PTPRD: variants seen among roughly 807,000 people sequenced by gnomAD.
PTPRD encodes receptor-type tyrosine-protein phosphatase delta.
A neutral mutation model predicts 214.5 loss-of-function variants in PTPRD; 34 were observed. The observed-to-expected ratio is 0.16, with a 90% CI of 0.12 to 0.21. The LOEUF (loss-of-function observed/expected upper bound fraction) is 0.21, where lower values mean the gene tolerates loss of function less well. Ranked by LOEUF, PTPRD falls within the 10% of genes least tolerant of loss-of-function variation. The pLI, the probability that PTPRD is intolerant of heterozygous loss-of-function variation, is 1.00. For missense variants in PTPRD, 2,545 were observed against 2,398.7 expected, an observed-to-expected ratio of 1.06 and a Z score of -1.27; for synonymous variants, 1,128 against 845.7, an observed-to-expected ratio of 1.33 and a Z score of -5.79.
At chr9:9,623,678 C>A (rs879775628) in intron 7 of PTPRD, among the ~76,000 whole-genome samples, 2 of 152,214 alleles carry the variant, frequency 1.3e-5, no homozygotes, top group Non-Finnish European at 2.9e-5. Context: ...CTGCTGCCAT[C>A]TGGATGCTTG....
intron 5 of PTPRD, among the ~76,000 whole-genome samples, chr9:9,815,199 C>T (rs1055167610): frequency 6.6e-6 from 1 of 152,046 alleles, no homozygotes; most frequent in Non-Finnish European, 1.5e-5. Flanking sequence ...CATACTCATG[C>T]GTACATACAT....
intron 30 of PTPRD, among the ~76,000 whole-genome samples, chr9:8,482,041 A>C: frequency 6.6e-6 from 1 of 151,954 alleles, no homozygotes; most frequent in Non-Finnish European, 1.5e-5. Context: ...TCGGCCTCCC[A>C]AAGTGCTGGG....
chr9:9,874,393 G>C (rs1290974298), intron 5 of PTPRD, among the ~76,000 whole-genome samples: 1 of 152,064 alleles, frequency 6.6e-6, no homozygotes, highest in Non-Finnish European at 1.5e-5. Flanking sequence ...TGTTATACAG[G>C]ATATCAATAT....
At chr9:8,631,687 C>A (rs7047804) in intron 14 of PTPRD, among the ~76,000 whole-genome samples, 1 of 151,722 alleles carries the variant, frequency 6.6e-6, no homozygotes, top group Non-Finnish European at 1.5e-5. Context: ...ATTTTATATA[C>A]GTATGTATCT....
chr9:10,223,203 A>G (rs1223945533), intron 3 of PTPRD, among the ~76,000 whole-genome samples: 1 of 147,566 alleles, frequency 6.8e-6, no homozygotes, highest in Non-Finnish European at 1.5e-5. Flanking sequence ...CCCTTCTCTT[A>G]CCCTCTCCCC....
chr9:9,330,318 C>G (rs1352653148), intron 9 of PTPRD, among the ~76,000 whole-genome samples: 1 of 152,064 alleles, frequency 6.6e-6, no homozygotes, highest in Admixed American at 6.6e-5. Flanking sequence ...ATTTTAAGAA[C>G]CTCTGATTGA....
At chr9:9,553,380 A>G (rs1344032363) in intron 8 of PTPRD, among the ~76,000 whole-genome samples, 1 of 152,090 alleles carries the variant, frequency 6.6e-6, no homozygotes, top group Non-Finnish European at 1.5e-5. Context: ...CATTGTACAA[A>G]CCTAATCACT....
At chr9:8,603,269 T>C (rs1264540513) in intron 14 of PTPRD, among the ~76,000 whole-genome samples, 1 of 152,200 alleles carries the variant, frequency 6.6e-6, no homozygotes, top group Non-Finnish European at 1.5e-5. Context: ...ACAAGGCAAT[T>C]ATTAGATTAA....
chr9:10,572,348 G>A (rs1477032615), intron 2 of PTPRD, among the ~76,000 whole-genome samples: 1 of 152,174 alleles, frequency 6.6e-6, no homozygotes, highest in Non-Finnish European at 1.5e-5. Flanking sequence ...TGTCATTCCT[G>A]GAGGAAACAA....
chr9:8,329,068 C>T (rs201195133), intron 44 of PTPRD, among the ~76,000 whole-genome samples: 1 of 152,052 alleles, frequency 6.6e-6, no homozygotes, highest in Non-Finnish European at 1.5e-5. Flanking sequence ...GTTTTGTTCC[C>T]TTGCTGGCGA....
intron 11 of PTPRD, among the ~76,000 whole-genome samples, chr9:8,943,570 ATTTAT>A (rs1490553927): frequency 2.0e-5 from 3 of 146,378 alleles, no homozygotes; most frequent in African/African-American, 2.4e-5. Context: ...TAATAATTTT[ATTTAT>A]TTTATTTATT....
chr9:9,604,740 CAAAGTCAAACA>C lies in PTPRD; in HGVS notation c.-286-29970_-286-29960del, dbSNP rs1310478049. Among the ~76,000 whole-genome samples the C allele has an allele frequency of 4.0e-5, 6 of 151,846 alleles. No homozygotes were observed. The East Asian group carries it at 1.2e-3, about 29-fold the overall frequency. On this transcript the variant is annotated intron_variant, in intron 7 of 45. Transcript: ENST00000381196. ...CAAATTTAAAAGGGTATTTGTTTGA[CAAAGTCAAACA>C]TCATCCATTTCTATGGCTAAAAGTT...
Position 8,559,580 on chromosome 9 carries a change from C to G in PTPRD, c.353-30801G>C, listed in dbSNP as rs181370218. Among the ~76,000 whole-genome samples the G allele has an allele frequency of 5.3e-5, 8 of 152,290 alleles. No individual in the cohort carries two copies. In the East Asian group the frequency reaches 1.5e-3, roughly 29 times the overall value. On this transcript the variant is annotated intron_variant, in intron 14 of 45. Coordinates refer to ENST00000381196, the MANE Select transcript of PTPRD (RefSeq NM_002839.4). ...GAGGACAAAGTAATAAATTTCAGTT[C>G]TCAAGGATGAGAAGCCCAACAGATT... is the stretch of plus-strand genomic sequence containing the variant.
At chr9:8,923,232 G>C (rs1022302247) in intron 11 of PTPRD, among the ~76,000 whole-genome samples, 1 of 151,598 alleles carries the variant, frequency 6.6e-6, no homozygotes, top group Non-Finnish European at 1.5e-5. Context: ...AGTAGAGACA[G>C]GGTTTCACCA....
chr9:10,200,868 A>T (rs1229005292), intron 3 of PTPRD, among the ~76,000 whole-genome samples: 1 of 152,132 alleles, frequency 6.6e-6, no homozygotes, highest in Non-Finnish European at 1.5e-5. Context: ...TAAAATACTA[A>T]GAAGAACCAG....
intron 2 of PTPRD, among the ~76,000 whole-genome samples, chr9:10,494,008 T>C (rs907243043): frequency 6.6e-6 from 1 of 151,968 alleles, no homozygotes; most frequent in African/African-American, 2.4e-5. Flanking sequence ...TATCTTAGCA[T>C]AAATTTGTAT....
At chr9:9,314,214 G>C (rs1158317188) in intron 9 of PTPRD, among the ~76,000 whole-genome samples, 1 of 152,002 alleles carries the variant, frequency 6.6e-6, no homozygotes, top group Non-Finnish European at 1.5e-5. Context: ...AATAAAAAGA[G>C]GACTGCTCTA....
At chr9:8,889,925 G>A (rs1475102774) in intron 11 of PTPRD, among the ~76,000 whole-genome samples, 4 of 152,168 alleles carry the variant, frequency 2.6e-5, no homozygotes, top group Non-Finnish European at 5.9e-5. Flanking sequence ...AAACATGCAT[G>A]TGCAAGTGTC....
intron 11 of PTPRD, among the ~76,000 whole-genome samples, chr9:8,744,445 T>C (rs185619072): frequency 6.6e-6 from 1 of 152,344 alleles, no homozygotes; most frequent in African/African-American, 2.4e-5. Flanking sequence ...AGTATACTTA[T>C]ACCACGGAAT....
Sources: allele counts gnomAD v4.1 joint callset (sites outside exome capture counted in the v4.1 genomes callset), GRCh38; gene constraint gnomAD v4.1.1; transcripts MANE v1.5; gene names NCBI Gene and HGNC (gene_info 2026-07-23, HGNC 2026-07-21).